Variants in FAM110B observed in about 807,000 individuals in gnomAD.
FAM110B encodes the protein family with sequence similarity 110 member B.
In FAM110B, 6 loss-of-function variants were observed where a neutral mutation model predicts 20.4. The ratio of observed to expected loss-of-function variants is 0.29; its 90% confidence interval spans 0.16 to 0.58. The LOEUF (loss-of-function observed/expected upper bound fraction) is 0.58. Ranked by LOEUF, FAM110B falls within the 20% of genes least tolerant of loss-of-function variation. The pLI is 0.90. For missense variants in FAM110B, 434 were observed against 498.2 expected (o/e 0.87, Z 1.23); for synonymous variants, 226 against 214.1 (o/e 1.06, Z -0.49).
At position 58,146,628 on chromosome 8, in the gene FAM110B, C is replaced by G; in HGVS notation, c.398C>G (p.Ser133Trp). The G allele has an allele frequency of 6.2e-7, 1 of 1,613,714 alleles. No homozygotes were observed. Among genetic ancestry groups the G allele is most frequent in the Non-Finnish European group, 8.5e-7 (1 of 1,179,850 alleles). Residue 133 changes from serine to tryptophan, a missense_variant, in exon 4 of 4, where the codon TCG (serine) becomes TGG (tryptophan). Physicochemically the swap from Ser to Trp is radical, Grantham distance 177. This residue lies in a region of FAM110B where 284 missense variants were observed against 278.3 expected (regional missense o/e 1.02). Transcript: ENST00000519262. ...ATCAATAGCTCCGAGGGCTCTAGCT[C>G]GGGCTCGGGGCACAAGCACAGCTCC... ...NIINSSEGSS[S>W]GSGHKHSSRN...
intron 3 of FAM110B, among the ~76,000 whole-genome samples, chr8:58,112,585 G>A (rs1807087127): frequency 6.6e-6 from 1 of 152,220 alleles, no homozygotes; most frequent in Admixed American, 6.5e-5. Context: ...AGATGGTGCT[G>A]AGGGTCCACT....
chr8:58,076,227 T>C (rs1191209051), intron 3 of FAM110B, among the ~76,000 whole-genome samples: 3 of 152,174 alleles, frequency 2.0e-5, no homozygotes, highest in African/African-American at 7.2e-5. Context: ...TGCAAAGTGT[T>C]GGGTTTACAG....
intron 1 of FAM110B, among the ~76,000 whole-genome samples, chr8:58,015,335 C>A (rs746185452): frequency 1.0e-4 from 15 of 149,530 alleles, no homozygotes; most frequent in African/African-American, 1.5e-4. Flanking sequence ...CCAGCCTGGA[C>A]GACAGAGCAA....
chr8:58,014,654 T>C (rs573093913), intron 1 of FAM110B, among the ~76,000 whole-genome samples: 1 of 152,302 alleles, frequency 6.6e-6, no homozygotes, highest in African/African-American at 2.4e-5. Context: ...AAAATAAAAC[T>C]TCTGTTTAAT....
At chr8:58,107,066 A>T (rs1239899812) in intron 3 of FAM110B, among the ~76,000 whole-genome samples, 1 of 147,372 alleles carries the variant, frequency 6.8e-6, no homozygotes, top group Non-Finnish European at 1.5e-5. Context: ...CAAAGCAGGG[A>T]CTGGCGGTGG....
At chr8:58,019,941 C>T (rs1253743021) in intron 1 of FAM110B, among the ~76,000 whole-genome samples, 1 of 151,790 alleles carries the variant, frequency 6.6e-6, no homozygotes, top group Non-Finnish European at 1.5e-5. Context: ...CCTCTTTTCT[C>T]CTCTCCTCTA....
At chr8:58,126,216 C>T (rs1332909057) in intron 3 of FAM110B, among the ~76,000 whole-genome samples, 3 of 151,506 alleles carry the variant, frequency 2.0e-5, no homozygotes, top group Non-Finnish European at 4.4e-5. Context: ...CCAGTCGTTG[C>T]ATGCCTCAAT....
At chr8:58,043,777 T>A (rs557369766) in intron 2 of FAM110B, among the ~76,000 whole-genome samples, 3 of 152,318 alleles carry the variant, frequency 2.0e-5, no homozygotes, top group Admixed American at 2.0e-4. Flanking sequence ...CCTCATTTAA[T>A]CCTCCTAACA....
At chr8:58,039,990 C>G (rs1805176955) in intron 2 of FAM110B, among the ~76,000 whole-genome samples, 1 of 149,962 alleles carries the variant, frequency 6.7e-6, no homozygotes, top group African/African-American at 2.4e-5. Flanking sequence ...ATTTTTAAAT[C>G]TTTTACATTT....
intron 3 of FAM110B, among the ~76,000 whole-genome samples, chr8:58,091,779 A>T (rs1198812562): frequency 6.6e-6 from 1 of 152,144 alleles, no homozygotes; most frequent in Non-Finnish European, 1.5e-5. Context: ...TCTCCCCTCC[A>T]TGTGGTCTCT....
intron 3 of FAM110B, among the ~76,000 whole-genome samples, chr8:58,144,043 G>T (rs1296612494): frequency 6.6e-6 from 1 of 152,200 alleles, no homozygotes; most frequent in East Asian, 1.9e-4. Flanking sequence ...AAGGAATCTT[G>T]TCCAACTAAC....
At chr8:58,010,952 G>T (rs1403431710) in intron 1 of FAM110B, among the ~76,000 whole-genome samples, 1 of 152,164 alleles carries the variant, frequency 6.6e-6, no homozygotes, top group Non-Finnish European at 1.5e-5. Flanking sequence ...TCTTTGGGAG[G>T]TGTACTGGGC....
At chr8:58,066,167 C>T (rs1487208455) in intron 2 of FAM110B, among the ~76,000 whole-genome samples, 1 of 152,170 alleles carries the variant, frequency 6.6e-6, no homozygotes, top group Non-Finnish European at 1.5e-5. Flanking sequence ...AAAAACTAGG[C>T]TTTGAGAAGA....
chr8:58,014,407 C>T (rs9792275), intron 1 of FAM110B, among the ~76,000 whole-genome samples: 125,960 of 152,102 alleles, frequency 0.83, 52,412 homozygotes, highest in East Asian at 0.94. Flanking sequence ...GCCTCGAGAT[C>T]TGCATTTTCG....
At chr8:58,059,366 C>G (rs1481308304) in intron 2 of FAM110B, among the ~76,000 whole-genome samples, 1 of 152,174 alleles carries the variant, frequency 6.6e-6, no homozygotes, top group Non-Finnish European at 1.5e-5. Flanking sequence ...GTCAAAGAAG[C>G]TTTCCCATTA....
At chr8:58,079,607 T>C (rs1806137836) in intron 3 of FAM110B, among the ~76,000 whole-genome samples, 1 of 152,044 alleles carries the variant, frequency 6.6e-6, no homozygotes, top group Non-Finnish European at 1.5e-5. Flanking sequence ...TGAGACCCTG[T>C]CTCTACAAAA....
intron 2 of FAM110B, among the ~76,000 whole-genome samples, chr8:58,073,929 C>T (rs1805966425): frequency 6.6e-6 from 1 of 152,202 alleles, no homozygotes; most frequent in Non-Finnish European, 1.5e-5. Flanking sequence ...CCTGTTTGCA[C>T]AAGATCTTGC....
At position 58,079,461 on chromosome 8, in the gene FAM110B, A is replaced by C. The variant is rs571198181; in HGVS notation, c.-325+3838A>C. 1.4e-4 allele frequency among the ~76,000 whole-genome samples: 22 copies of C among 152,306 alleles called. 1 individual carries two copies. In the South Asian group the frequency reaches 4.1e-3, roughly 29 times the overall value. On this transcript the variant is annotated intron_variant, in intron 3 of 3. Coordinates refer to ENST00000519262, the MANE Select transcript of FAM110B (RefSeq NM_001377989.1). ...ACACACTTATTGTGAAGTTCAAAAA[A>C]TTATTGATTGGAATTTAAATTATCA...
intron 1 of FAM110B, among the ~76,000 whole-genome samples, chr8:58,007,352 G>A (rs1804433238): frequency 6.6e-6 from 1 of 152,134 alleles, no homozygotes; most frequent in Non-Finnish European, 1.5e-5. Flanking sequence ...GATCACGTGG[G>A]TCCCACTGTT....
Sources: allele counts gnomAD v4.1 joint callset (sites outside exome capture counted in the v4.1 genomes callset), GRCh38; gene constraint gnomAD v4.1.1; regional missense constraint gnomAD v4.1.1; transcripts MANE v1.5; gene names NCBI Gene and HGNC (gene_info 2026-07-23, HGNC 2026-07-21).